The following CASR variants were observed in gnomAD, a reference collection of about 807,000 sequenced individuals.
CASR encodes extracellular calcium-sensing receptor.
CASR carries 23 observed loss-of-function variants against 69.1 expected under a neutral mutation model. The observed-to-expected ratio is 0.33, with a 90% CI of 0.24 to 0.47. The LOEUF is 0.47. Among genes scored for constraint, CASR ranks in the 20% least tolerant of loss-of-function variants. The pLI is 1.00. For synonymous variants in CASR, 541 were observed against 544.7 expected (o/e 0.99, Z 0.10); for missense variants, 924 against 1,356.1 (o/e 0.68, Z 5.00).
chr3:122,262,079 C>T lies in CASR; in HGVS notation c.1044C>T (p.Ala348=). The T allele has an allele frequency of 3.1e-6, 5 of 1,614,140 alleles. No homozygotes were observed. The highest frequency in any genetic ancestry group is 4.2e-6 in the Non-Finnish European group (5 of 1,180,024). ...GGAAGTCTGTCCACAATGGTTTTGCCAAGGAGTTTTGGGAAGAAACATTTA... is the reference window on the plus strand; with the variant it reads ...GGAAGTCTGTCCACAATGGTTTTGCTAAGGAGTTTTGGGAAGAAACATTTA... The part of the protein sequence containing the change: ...HPRKSVHNGF[A]KEFWEETFNC... The change falls in exon 4 of 7, where the codon GCC becomes GCT. Residue 348 remains alanine (A), a synonymous_variant. Transcript: ENST00000639785.
intron 1 of CASR, among the ~76,000 whole-genome samples, chr3:122,252,514 A>G (rs1208773725): frequency 2.3e-4 from 4 of 17,334 alleles, no homozygotes; most frequent in African/African-American, 6.5e-4. Flanking sequence ...AGAGAGAGAG[A>G]AAGAAAGAAG....
chr3:122,244,284 A>T (rs4677903), intron 1 of CASR, among the ~76,000 whole-genome samples: 101,668 of 152,028 alleles, frequency 0.67, 34,288 homozygotes, highest in Admixed American at 0.78. Flanking sequence ...AAAATATCTC[A>T]GGTACCCCAG....
chr3:122,233,677 ATGGGCTACT>A (rs1455286082), intron 1 of CASR, among the ~76,000 whole-genome samples: 1 of 152,170 alleles, frequency 6.6e-6, no homozygotes, highest in Non-Finnish European at 1.5e-5. Context: ...CAGATTACGC[ATGGGCTACT>A]TGGGCGGTTG....
intron 1 of CASR, among the ~76,000 whole-genome samples, chr3:122,214,805 A>G (rs2074100347): frequency 6.6e-6 from 1 of 152,202 alleles, no homozygotes; most frequent in Admixed American, 6.5e-5. Flanking sequence ...GCAGGGTAGT[A>G]AGGCAAATTC....
At chr3:122,266,034 T>C (rs2074689685) in intron 4 of CASR, among the ~76,000 whole-genome samples, 1 of 152,130 alleles carries the variant, frequency 6.6e-6, no homozygotes, top group African/African-American at 2.4e-5. Flanking sequence ...CTGGGCAAGA[T>C]AATGAACTTC....
chr3:122,254,871 A>G (rs748152127), intron 2 of CASR, among the ~76,000 whole-genome samples: 2 of 151,930 alleles, frequency 1.3e-5, no homozygotes, highest in Non-Finnish European at 2.9e-5. Context: ...AGGCATCTTC[A>G]AACTGTAAAA....
intron 1 of CASR, among the ~76,000 whole-genome samples, chr3:122,235,287 A>G (rs767364073): frequency 6.6e-6 from 1 of 152,216 alleles, no homozygotes; most frequent in Non-Finnish European, 1.5e-5. Context: ...CACATAGGTA[A>G]ATCCCCTGCA....
chr3:122,249,823 A>G (rs929124482), intron 1 of CASR, among the ~76,000 whole-genome samples: 1 of 152,270 alleles, frequency 6.6e-6, no homozygotes, highest in Non-Finnish European at 1.5e-5. Flanking sequence ...AGATAACTAC[A>G]GTAAGAAAAA....
chr3:122,239,675 A>G (rs1423091807), intron 1 of CASR, among the ~76,000 whole-genome samples: 4 of 152,216 alleles, frequency 2.6e-5, no homozygotes, highest in Non-Finnish European at 5.9e-5. Flanking sequence ...GGCCACAGGG[A>G]AGCTTGTGTC....
chr3:122,194,354 C>T (rs3937964), intron 1 of CASR, among the ~76,000 whole-genome samples: 3,198 of 152,196 alleles, frequency 0.021, 109 homozygotes, highest in African/African-American at 0.074. Flanking sequence ...GAAAACAGGG[C>T]CGATCTCATG....
chr3:122,260,726 A>G (rs750996506), intron 3 of CASR, among the ~76,000 whole-genome samples: 24 of 152,012 alleles, frequency 1.6e-4, no homozygotes, highest in Admixed American at 5.2e-4. Flanking sequence ...CATAAAATCA[A>G]TCCAACAATA....
chr3:122,248,295 T>C (rs184649539), intron 1 of CASR, among the ~76,000 whole-genome samples: 330 of 152,294 alleles, frequency 2.2e-3, no homozygotes, highest in African/African-American at 7.3e-3. Context: ...TAGAAACCCA[T>C]ATTGTGGATG....
At chr3:122,237,758 A>T (rs534712370) in intron 1 of CASR, among the ~76,000 whole-genome samples, 1 of 152,320 alleles carries the variant, frequency 6.6e-6, no homozygotes, top group Admixed American at 6.5e-5. Context: ...ACAAGCAATG[A>T]CCACAATGAA....
At chr3:122,199,600 C>A (rs1327824954) in intron 1 of CASR, among the ~76,000 whole-genome samples, 1 of 151,830 alleles carries the variant, frequency 6.6e-6, no homozygotes, top group Non-Finnish European at 1.5e-5. Context: ...TAAAAATAGT[C>A]CATAATCTGT....
intron 1 of CASR, among the ~76,000 whole-genome samples, chr3:122,194,058 C>T (rs1461758006): frequency 2.6e-5 from 4 of 152,128 alleles, no homozygotes; most frequent in Non-Finnish European, 5.9e-5. Flanking sequence ...TACTGTCCTG[C>T]CCATTTCACA....
At chr3:122,225,417 C>T (rs2074212578) in intron 1 of CASR, among the ~76,000 whole-genome samples, 1 of 151,648 alleles carries the variant, frequency 6.6e-6, no homozygotes, top group African/African-American at 2.4e-5. Context: ...CATGAACAGA[C>T]ATTTCTCTAA....
chr3:122,184,298 G>A (rs1406577535), intron 1 of CASR: 7 of 153,108 alleles, frequency 4.6e-5, no homozygotes, highest in African/African-American at 1.2e-4. Flanking sequence ...TCCGGGGCCG[G>A]GGCCGGGGCC....
intron 1 of CASR, among the ~76,000 whole-genome samples, chr3:122,186,535 T>G (rs2073785531): frequency 6.6e-6 from 1 of 152,234 alleles, no homozygotes; most frequent in Non-Finnish European, 1.5e-5. Context: ...TGCCAGTCAC[T>G]GGGAACTAAC....
chr3:122,259,355 G>A (rs940846608), intron 3 of CASR, among the ~76,000 whole-genome samples: 1 of 152,024 alleles, frequency 6.6e-6, no homozygotes, highest in Non-Finnish European at 1.5e-5. Context: ...TATTGTTTGG[G>A]TCTGCTAACA....
Sources: allele counts gnomAD v4.1 joint callset (sites outside exome capture counted in the v4.1 genomes callset), GRCh38; gene constraint gnomAD v4.1.1; transcripts MANE v1.5; gene names NCBI Gene and HGNC (gene_info 2026-07-23, HGNC 2026-07-21).